Variants in PDE3A observed in about 807,000 individuals in gnomAD.
The protein encoded by PDE3A is phosphodiesterase 3A.
Under a neutral mutation model 98.3 loss-of-function variants are expected in PDE3A, and 43 were observed. The ratio of observed to expected loss-of-function variants is 0.44; its 90% CI spans 0.34 to 0.56. PDE3A has a LOEUF of 0.56. PDE3A is among the 20% of genes least tolerant of loss of function. The probability of loss-of-function intolerance (pLI) is 0.01; values close to 1 mark genes in which losing one functional copy is unlikely to be tolerated. For synonymous variants in PDE3A, 663 were observed against 567.9 expected (o/e 1.17, Z -2.38); for missense variants, 1,427 against 1,440.7 (o/e 0.99, Z 0.15).
At chr12:20,389,248 G>A (rs1943869711) in intron 1 of PDE3A, among the ~76,000 whole-genome samples, 1 of 151,904 alleles carries the variant, frequency 6.6e-6, no homozygotes, top group Non-Finnish European at 1.5e-5. Flanking sequence ...GGAGGAAAGG[G>A]GGCAATCAGT....
chr12:20,391,358 T>C (rs1054536045), intron 1 of PDE3A, among the ~76,000 whole-genome samples: 10 of 141,174 alleles, frequency 7.1e-5, no homozygotes, highest in South Asian at 2.2e-4. Flanking sequence ...ATATATAACA[T>C]ATATATTCTC....
At chr12:20,392,542 A>C (rs541249399) in intron 1 of PDE3A, among the ~76,000 whole-genome samples, 22 of 137,078 alleles carry the variant, frequency 1.6e-4, no homozygotes, top group Non-Finnish European at 3.6e-4. Context: ...TACATAAATA[A>C]ATAAATAAAT....
intron 1 of PDE3A, among the ~76,000 whole-genome samples, chr12:20,492,589 G>A (rs1945848263): frequency 6.6e-6 from 1 of 152,134 alleles, no homozygotes; most frequent in African/African-American, 2.4e-5. Flanking sequence ...AGAGGGAGGT[G>A]TAACTGAGAC....
intron 15 of PDE3A, among the ~76,000 whole-genome samples, chr12:20,676,436 G>T (rs1945640836): frequency 6.7e-6 from 1 of 150,264 alleles, no homozygotes; most frequent in South Asian, 2.1e-4. Context: ...TCTGATTGGA[G>T]TTTCCTTATA....
chr12:20,552,546 C>G lies in PDE3A; in HGVS notation c.961-4114C>G. 2 of 1,613,506 alleles carry G rather than the reference C, an allele frequency of 1.2e-6. No homozygotes were observed. The highest frequency in any genetic ancestry group is 1.7e-6 in the Non-Finnish European group (2 of 1,179,742). ...AGCAGCAGGAGGGGGGCTTCGCGTC[C>G]CCCAGGACGGGCAAGGGCAAGTGGA... is the stretch of plus-strand genomic sequence containing the variant. On this transcript the variant is annotated intron_variant, in intron 1 of 15. Coordinates refer to ENST00000359062, the MANE Select transcript of PDE3A (RefSeq NM_000921.5). The surrounding 1 kb of genome is among the most constrained non-coding windows in gnomAD (Gnocchi z 5.1).
intron 1 of PDE3A, among the ~76,000 whole-genome samples, chr12:20,402,059 C>G (rs12299821): frequency 1.3e-5 from 2 of 151,926 alleles, no homozygotes; most frequent in African/African-American, 4.8e-5. Flanking sequence ...ATCTGTGGAG[C>G]TTTGTGGATA....
At chr12:20,526,298 T>C (rs1041740911) in intron 1 of PDE3A, among the ~76,000 whole-genome samples, 2 of 152,222 alleles carry the variant, frequency 1.3e-5, no homozygotes, top group Non-Finnish European at 2.9e-5. Context: ...TATCTTTTTA[T>C]TGGCTTTTAG....
At chr12:20,393,637 A>C (rs1446357932) in intron 1 of PDE3A, among the ~76,000 whole-genome samples, 1 of 152,090 alleles carries the variant, frequency 6.6e-6, no homozygotes, top group African/African-American at 2.4e-5. Flanking sequence ...CTGATGTATC[A>C]ATTAAAAAGT....
intron 1 of PDE3A, among the ~76,000 whole-genome samples, chr12:20,534,464 A>G (rs1941703211): frequency 6.6e-6 from 1 of 152,190 alleles, no homozygotes; most frequent in Admixed American, 6.5e-5. Context: ...AAGGCAAAGC[A>G]ATATATTGAT....
intron 1 of PDE3A, among the ~76,000 whole-genome samples, chr12:20,525,103 C>G (rs1946492141): frequency 6.6e-6 from 1 of 152,172 alleles, no homozygotes; most frequent in Non-Finnish European, 1.5e-5. Context: ...TGCACTCCAG[C>G]CTGGGCAACA....
chr12:20,661,979 A>G (rs1032905875), intron 15 of PDE3A, among the ~76,000 whole-genome samples: 11 of 152,150 alleles, frequency 7.2e-5, no homozygotes, highest in African/African-American at 2.7e-4. Context: ...AAAGCCACAG[A>G]CACTCAATGC....
rs115930746 is a variant in PDE3A at position 20,552,596 on chromosome 12, C to T, written c.961-4064C>T. On this transcript the variant is annotated intron_variant, in intron 1 of 15. Transcript: ENST00000359062. This position sits in a 1 kb window ranked among gnomAD's most constrained non-coding sequence, Gnocchi z 5.1. ...AAGCGGAAGTCGGCAGGAGGTGGCCCGAGCAGGGCCGGGTCCCCGCGCCGG... is the reference window on the plus strand; with the variant it reads ...AAGCGGAAGTCGGCAGGAGGTGGCCTGAGCAGGGCCGGGTCCCCGCGCCGG... 3.9e-3 allele frequency: 6,281 copies of T among 1,613,614 alleles called. 203 individuals carry two copies. In the African/African-American group the frequency reaches 0.074, roughly 19 times the overall value.
rs1515775 is a variant in PDE3A at position 20,680,902 on chromosome 12, G to T, written c.*631G>T. 0.014 allele frequency: 2,122 copies of T among 153,482 alleles called. 45 individuals carry two copies. The highest frequency in any genetic ancestry group is 0.049 in the African/African-American group (2,021 of 41,374). The allele number at this position is 153,482 out of a possible 1,614,324, so 9.5% of individuals were successfully genotyped here. On this transcript the variant is annotated 3_prime_UTR_variant, in exon 16 of 16. Coordinates refer to ENST00000359062, the MANE Select transcript of PDE3A (RefSeq NM_000921.5). ...AGACAGAAGGGAATGGTTTGAGAGG[G>T]TGCTTGTGTGCATGTGTGTGCATAT...
chr12:20,495,581 T>G (rs766234840), intron 1 of PDE3A, among the ~76,000 whole-genome samples: 1 of 152,216 alleles, frequency 6.6e-6, no homozygotes, highest in African/African-American at 2.4e-5. Context: ...TGTGCCAATT[T>G]TTTTCTATGG....
At position 20,551,921 on chromosome 12, in the gene PDE3A, G is replaced by T. The variant is rs979186783; in HGVS notation, c.961-4739G>T. Reference sequence around the variant, plus strand: ...GGGATCCCCGTGGGCACCATGTGGCGGTTCCGAGTCCAGGTCAGCGAGTCG... The same window carrying T: ...GGGATCCCCGTGGGCACCATGTGGCTGTTCCGAGTCCAGGTCAGCGAGTCG... On this transcript the variant is annotated intron_variant, in intron 1 of 15. Transcript: ENST00000359062. 15 of 1,613,316 alleles carry T rather than the reference G, an allele frequency of 9.3e-6. No individual in the cohort carries two copies. In the East Asian group the frequency reaches 1.1e-4, roughly 12 times the overall value.
chr12:20,385,316 C>T (rs73232485), intron 1 of PDE3A, among the ~76,000 whole-genome samples: 14,533 of 151,888 alleles, frequency 0.096, 700 homozygotes, highest in Admixed American at 0.12. Flanking sequence ...TGTGGAGAAA[C>T]AGGAACACTT....
intron 2 of PDE3A, among the ~76,000 whole-genome samples, chr12:20,585,509 C>A (rs1943171119): frequency 6.6e-6 from 1 of 152,178 alleles, no homozygotes; most frequent in Non-Finnish European, 1.5e-5. Flanking sequence ...AGAGTGTCAA[C>A]AGACCTGTGT....
Position 20,687,784 on chromosome 12 carries a change from G to C in PDE3A, c.*7513G>C, listed in dbSNP as rs926137382. ...AATATATTAGGATATGTGACTGAAGGAAATTTAATCTGAATTTAGAGTGTT... is the reference window on the plus strand; with the variant it reads ...AATATATTAGGATATGTGACTGAAGCAAATTTAATCTGAATTTAGAGTGTT... On this transcript the variant is annotated 3_prime_UTR_variant, in exon 16 of 16. Transcript: ENST00000359062. 2.0e-5 allele frequency among the ~76,000 whole-genome samples: 3 copies of C among 151,780 alleles called. No homozygotes were observed. The highest frequency in any genetic ancestry group is 7.3e-5 in the African/African-American group (3 of 41,356).
At chr12:20,541,046 C>A (rs866038629) in intron 1 of PDE3A, among the ~76,000 whole-genome samples, 3 of 132,452 alleles carry the variant, frequency 2.3e-5, no homozygotes, top group Middle Eastern at 8.9e-3. Flanking sequence ...ATATTATTGA[C>A]TCAAATTGAC....
Sources: allele counts gnomAD v4.1 joint callset (sites outside exome capture counted in the v4.1 genomes callset), GRCh38; gene constraint gnomAD v4.1.1; non-coding constraint Gnocchi (gnomAD v3.1); transcripts MANE v1.5; gene names NCBI Gene and HGNC (gene_info 2026-07-23, HGNC 2026-07-21).